The following ADCY2 variants were observed in gnomAD, a reference collection of about 807,000 sequenced individuals.
The protein encoded by ADCY2 is adenylate cyclase type 2.
Under a neutral mutation model 125.2 loss-of-function variants are expected in ADCY2, and 31 were observed. The ratio of observed to expected loss-of-function variants is 0.25; its 90% CI spans 0.19 to 0.33. ADCY2 has a LOEUF of 0.33. ADCY2 is among the 10% of genes least tolerant of loss of function. The pLI is 1.00. For missense variants in ADCY2, 904 were observed against 1,418.2 expected, an observed-to-expected ratio of 0.64 and a Z score of 5.82; for synonymous variants, 512 against 548.4, an observed-to-expected ratio of 0.93 and a Z score of 0.93.
chr5:7,531,454 C>T (rs1734636793), intron 3 of ADCY2, among the ~76,000 whole-genome samples: 1 of 152,174 alleles, frequency 6.6e-6, no homozygotes, highest in Non-Finnish European at 1.5e-5. Flanking sequence ...GCTGCTCTAA[C>T]AAATTACTAC....
intron 2 of ADCY2, among the ~76,000 whole-genome samples, chr5:7,490,451 T>C (rs1420583361): frequency 6.6e-6 from 1 of 152,088 alleles, no homozygotes; most frequent in African/African-American, 2.4e-5. Flanking sequence ...AGAATGGCCT[T>C]GATGAGGTGA....
chr5:7,502,448 C>G (rs554198666), intron 2 of ADCY2, among the ~76,000 whole-genome samples: 1 of 152,330 alleles, frequency 6.6e-6, no homozygotes, highest in East Asian at 1.9e-4. Context: ...CCACCTCTTA[C>G]TCCCACCGTG....
chr5:7,533,769 T>C (rs778109972), intron 3 of ADCY2, among the ~76,000 whole-genome samples: 5 of 152,242 alleles, frequency 3.3e-5, no homozygotes, highest in Non-Finnish European at 4.4e-5. Flanking sequence ...ATTTTAGTTT[T>C]ACTGCATCAA....
intron 20 of ADCY2, among the ~76,000 whole-genome samples, chr5:7,793,088 G>A (rs758240784): frequency 2.6e-5 from 4 of 152,168 alleles, no homozygotes; most frequent in Non-Finnish European, 5.9e-5. Flanking sequence ...ACAACCCTCT[G>A]GTGCTCCTGA....
At chr5:7,554,897 A>T (rs1472139621) in intron 3 of ADCY2, among the ~76,000 whole-genome samples, 1 of 152,144 alleles carries the variant, frequency 6.6e-6, no homozygotes, top group Non-Finnish European at 1.5e-5. Flanking sequence ...AAGGAACGGG[A>T]ACTATGCTGT....
chr5:7,613,102 A>G (rs1246941360), intron 3 of ADCY2, among the ~76,000 whole-genome samples: 1 of 152,106 alleles, frequency 6.6e-6, no homozygotes, highest in Non-Finnish European at 1.5e-5. Flanking sequence ...GCACATGTAT[A>G]CATATGTAAC....
intron 1 of ADCY2, among the ~76,000 whole-genome samples, chr5:7,403,977 A>ACACAC (rs1156535290): frequency 4.4e-4 from 54 of 122,498 alleles, no homozygotes; most frequent in Non-Finnish European, 9.1e-4. Context: ...CACACACACA[A>ACACAC]AATTACTAAA....
intron 3 of ADCY2, among the ~76,000 whole-genome samples, chr5:7,579,815 A>C (rs187276985): frequency 1.3e-5 from 2 of 152,358 alleles, no homozygotes; most frequent in Non-Finnish European, 2.9e-5. Context: ...TGAGCATGCA[A>C]GAATTTTAAA....
chr5:7,733,252 C>G (rs531387553), intron 14 of ADCY2, among the ~76,000 whole-genome samples: 48 of 152,242 alleles, frequency 3.2e-4, no homozygotes, highest in African/African-American at 1.1e-3. Flanking sequence ...ATTATTATTT[C>G]TACTCAGATC....
intron 14 of ADCY2, among the ~76,000 whole-genome samples, chr5:7,733,726 C>G (rs540530355): frequency 6.6e-6 from 1 of 152,226 alleles, no homozygotes; most frequent in South Asian, 2.1e-4. Context: ...TAAGCTCCCC[C>G]AAGTAGAGGG....
At chr5:7,463,456 T>G (rs919818513) in intron 2 of ADCY2, among the ~76,000 whole-genome samples, 6 of 152,150 alleles carry the variant, frequency 3.9e-5, no homozygotes, top group African/African-American at 1.2e-4. Context: ...TTGAGGGAAC[T>G]GTTACCCAAA....
rs746031282 is a variant in ADCY2, at chr5:7,698,402, G to T, written c.1109+28G>T. The T allele has an allele frequency of 3.8e-5, 61 of 1,612,764 alleles. No homozygotes were observed. The Admixed American group carries it at 5.2e-4, about 14-fold the overall frequency. ...AAGTGGACTGCTTAGTAAGCATTTT[G>T]TTATATGCTTTAAGTTCTGGGGTAC... On this transcript the variant is annotated intron_variant, in intron 7 of 24. Coordinates refer to ENST00000338316, the MANE Select transcript of ADCY2 (RefSeq NM_020546.3).
chr5:7,641,118 C>G (rs1738690740), intron 4 of ADCY2, among the ~76,000 whole-genome samples: 1 of 152,166 alleles, frequency 6.6e-6, no homozygotes, highest in Admixed American at 6.6e-5. Context: ...TTCTGATGCT[C>G]TGCAGTCACA....
Position 7,396,494 on chromosome 5 carries a change from C to CGCG in ADCY2, c.199_201dup (p.Ala67dup). 1.3e-6 allele frequency: 2 copies of CGCG among 1,564,336 alleles called. No individual in the cohort carries two copies. Among genetic ancestry groups the CGCG allele is most frequent in the Non-Finnish European group, 1.7e-6 (2 of 1,156,058 alleles). On this transcript the variant is annotated inframe_insertion, in exon 1 of 25. Transcript: ENST00000338316. The surrounding 1 kb of genome is among the most constrained non-coding windows in gnomAD (Gnocchi z 5.7). ...GCCTCGCCCTGCTCGCCGTCTTCTT[C>CGCG]GCGCTCGGGCTGGTGAGTGGCCTCC...
chr5:7,655,858 A>C (rs544528923), intron 4 of ADCY2, among the ~76,000 whole-genome samples: 1 of 152,204 alleles, frequency 6.6e-6, no homozygotes, highest in South Asian at 2.1e-4. Flanking sequence ...GCATCTGATC[A>C]CCTTTTGAAA....
intron 4 of ADCY2, among the ~76,000 whole-genome samples, chr5:7,626,762 A>G (rs1158483697): frequency 6.6e-6 from 1 of 152,176 alleles, no homozygotes; most frequent in Non-Finnish European, 1.5e-5. Flanking sequence ...CAGGGAGGGC[A>G]TTTATGTGTC....
Position 7,623,647 on chromosome 5 carries a change from A to G in ADCY2, c.571-2520A>G, listed in dbSNP as rs550945420. ...CATCAAAGTATGGCAATAAGAAGGA[A>G]GAGAGCCCTGTGATGCTAGAAAATG... On this transcript the variant is annotated intron_variant, in intron 3 of 24. Transcript: ENST00000338316. 2.6e-5 allele frequency among the ~76,000 whole-genome samples: 4 copies of G among 152,288 alleles called. No individual in the cohort carries two copies. In the East Asian group the frequency reaches 7.7e-4, roughly 29 times the overall value.
At chr5:7,420,378 G>T (rs763955697) in intron 2 of ADCY2, among the ~76,000 whole-genome samples, 44 of 152,146 alleles carry the variant, frequency 2.9e-4, no homozygotes, top group Non-Finnish European at 4.7e-4. Flanking sequence ...TTTTCAGTGT[G>T]TGCCCCTGAG....
intron 3 of ADCY2, among the ~76,000 whole-genome samples, chr5:7,590,857 TTAA>T (rs1459729697): frequency 2.6e-5 from 4 of 152,186 alleles, no homozygotes; most frequent in African/African-American, 9.6e-5. Context: ...ATCTTAACCA[TTAA>T]TATAGTCAAG....
Sources: allele counts gnomAD v4.1 joint callset (sites outside exome capture counted in the v4.1 genomes callset), GRCh38; gene constraint gnomAD v4.1.1; non-coding constraint Gnocchi (gnomAD v3.1); transcripts MANE v1.5; gene names NCBI Gene and HGNC (gene_info 2026-07-23, HGNC 2026-07-21).